Variants in TPPP observed in about 807,000 individuals in gnomAD.
TPPP encodes tubulin polymerization-promoting protein.
TPPP carries 6 observed loss-of-function variants against 15.5 expected under a neutral mutation model. That is an observed-to-expected ratio of 0.39 (90% CI 0.21 to 0.77). TPPP has a LOEUF of 0.77. Among genes scored for constraint, TPPP ranks in the 30% least tolerant of loss-of-function variants. The probability of loss-of-function intolerance (pLI) is 0.42; values close to 1 mark genes in which losing one functional copy is unlikely to be tolerated. For synonymous variants in TPPP, 146 were observed against 133.9 expected (o/e 1.09, Z -0.63); for missense variants, 269 against 307.2 (o/e 0.88, Z 0.93).
rs1437462426 is a variant in TPPP at position 675,598 on chromosome 5, G to T, written c.311+2152C>A. On this transcript the variant is annotated intron_variant, in intron 2 of 3. Transcript: ENST00000360578. ...GCGGTGTGGCCAGGGGTGCAGCATG[G>T]GGGGTACAGTGTGGCCGGGAGTGCA... Among the ~76,000 whole-genome samples, 6 of 151,336 alleles carry T rather than the reference G, an allele frequency of 4.0e-5. No individual in the cohort carries two copies. In the South Asian group the frequency reaches 1.0e-3, roughly 26 times the overall value.
intron 2 of TPPP, among the ~76,000 whole-genome samples, chr5:673,481 T>G (rs144631577): frequency 0.016 from 2,437 of 151,944 alleles, 77 homozygotes; most frequent in African/African-American, 0.057. Flanking sequence ...GAGGTCAGAA[T>G]CCCTTGGCCT....
chr5:675,867 C>T (rs141429386), intron 2 of TPPP: 2 of 152,304 alleles, frequency 1.3e-5, no homozygotes, highest in Admixed American at 1.3e-4. Flanking sequence ...CAGCCACAGC[C>T]TCCTCTCACA....
At chr5:666,189 G>C (rs1580072943) in intron 2 of TPPP, 66 bp from the exon 3 acceptor site, 1 of 1,567,582 alleles carries the variant, frequency 6.4e-7, no homozygotes, top group East Asian at 2.3e-5. Flanking sequence ...CCCACGCGTG[G>C]GTCTGAGCAG....
intron 2 of TPPP, among the ~76,000 whole-genome samples, chr5:674,298 C>T (rs970113076): frequency 4.6e-5 from 7 of 152,194 alleles, no homozygotes; most frequent in East Asian, 1.9e-4. Flanking sequence ...CCCAGGAGCA[C>T]GGGGCTGGGT....
intron 3 of TPPP, 116 bp downstream of exon 3, chr5:665,854 C>A (rs1580071898): frequency 1.9e-6 from 1 of 525,364 alleles, no homozygotes. Context: ...GGACCCCCCC[C>A]AGGTCACGCC....
intron 2 of TPPP, among the ~76,000 whole-genome samples, chr5:675,549 C>T (rs1157911328): frequency 1.8e-4 from 7 of 39,050 alleles, no homozygotes; most frequent in Admixed American, 1.0e-3. Flanking sequence ...GCCGTGTGGC[C>T]GGGGGTGCAG....
intron 2 of TPPP, among the ~76,000 whole-genome samples, chr5:670,866 C>T (rs1452880033): frequency 6.6e-6 from 1 of 152,200 alleles, no homozygotes; most frequent in Non-Finnish European, 1.5e-5. Context: ...AGCAGCTGAG[C>T]ACCTGGGGGC....
At chr5:681,360 C>T (rs184091244) in intron 1 of TPPP, among the ~76,000 whole-genome samples, 375 of 152,294 alleles carry the variant, frequency 2.5e-3, no homozygotes, top group Non-Finnish European at 3.4e-3. Flanking sequence ...ACCATCTCCA[C>T]GCGTGTGCCC....
rs1230307056 is a variant in TPPP, at chr5:668,252, TGCGGACAAGCACACGGAGAGGG to T, written c.312-2151_312-2130del. On this transcript the variant is annotated intron_variant, in intron 2 of 3. Coordinates refer to ENST00000360578, the MANE Select transcript of TPPP (RefSeq NM_007030.3). ...GGCCGTGTGGGCGCCGTCAGGGAAG[TGCGGACAAGCACACGGAGAGGG>T]GTCCGCGTGGGCGCCGTCAGGGAAG... is the stretch of plus-strand genomic sequence containing the variant. Among the ~76,000 whole-genome samples, 62 of 64,410 alleles carry T rather than the reference TGCGGACAAGCACACGGAGAGGG, an allele frequency of 9.6e-4. 7 individuals carry two copies. The highest frequency in any genetic ancestry group is 1.1e-3 in the Non-Finnish European group (42 of 36,730). The allele number at this position is 64,410 out of a possible 152,430, so 42.3% of individuals were successfully genotyped here. A position where few individuals can be genotyped will look rare whatever the true frequency, so the allele number is the denominator to read the frequency against.
rs1047712274 is a variant in TPPP at position 693,349 on chromosome 5, C to G, written c.-76G>C. ...GCGCGCGACCCGGTGCTCAGCGGAG[C>G]TCTCCAGCCGCCGCCCCGCGCCCGC... On this transcript the variant is annotated 5_prime_UTR_variant, in exon 1 of 4. Coordinates refer to ENST00000360578, the MANE Select transcript of TPPP (RefSeq NM_007030.3). The G allele has an allele frequency of 2.0e-5, 3 of 149,686 alleles. No homozygotes were observed. The highest frequency in any genetic ancestry group is 1.8e-4 in the South Asian group (1 of 5,624). The allele number at this position is 149,686 out of a possible 1,614,324, so 9.3% of individuals were successfully genotyped here. A position where few individuals can be genotyped will look rare whatever the true frequency, so the allele number is the denominator to read the frequency against.
At chr5:674,357 C>T (rs1390857304) in intron 2 of TPPP, among the ~76,000 whole-genome samples, 2 of 152,186 alleles carry the variant, frequency 1.3e-5, no homozygotes, top group Admixed American at 1.3e-4. Flanking sequence ...CTGGGGGGCA[C>T]AGGGGCCCTG....
chr5:660,227 AT>A lies in TPPP; in HGVS notation c.*4874del, dbSNP rs1253524002. 5.3e-5 allele frequency: 8 copies of A among 151,100 alleles called. No homozygotes were observed. Among genetic ancestry groups the A allele is most frequent in the East Asian group, 1.9e-4 (1 of 5,176 alleles). 9.4% of individuals were successfully genotyped at this position (151,100 alleles called of 1,614,324 possible). A position where few individuals can be genotyped will look rare whatever the true frequency, so the allele number is the denominator to read the frequency against. ...CACATATATATATATATATATATAT[AT>A]AAATTTGTTTCCCTTTCTTGAAAAA... is the stretch of plus-strand genomic sequence containing the variant. On this transcript the variant is annotated 3_prime_UTR_variant, in exon 4 of 4. Transcript: ENST00000360578.
chr5:678,780 C>T (rs548166575), intron 1 of TPPP, among the ~76,000 whole-genome samples: 25 of 152,296 alleles, frequency 1.6e-4, no homozygotes, highest in Non-Finnish European at 2.4e-4. Flanking sequence ...CTGGACTTTG[C>T]AAGGCGCCCG....
intron 3 of TPPP, 32 bp downstream of exon 3, chr5:665,938 C>CCCCCCCCCCCCCCACA: frequency 2.2e-6 from 3 of 1,366,608 alleles, no homozygotes; most frequent in Non-Finnish European, 2.9e-6. Flanking sequence ...CCACCCCCTC[C>CCCCCCCCCCCCCCACA]AGGCCCCGCC....
intron 3 of TPPP, 172 bp downstream of exon 3, chr5:665,795 ACCT>A (rs1739876506): frequency 3.0e-6 from 2 of 677,324 alleles, no homozygotes; most frequent in Non-Finnish European, 2.3e-6. Flanking sequence ...TTCTGACCAC[ACCT>A]CCTCAGACCC....
intron 2 of TPPP, among the ~76,000 whole-genome samples, chr5:672,178 TG>T (rs1367187221): frequency 2.6e-5 from 4 of 152,146 alleles, no homozygotes; most frequent in Admixed American, 2.6e-4. Context: ...CCTCCACACT[TG>T]GGGTGACCAC....
intron 1 of TPPP, among the ~76,000 whole-genome samples, chr5:688,609 G>A (rs1740824945): frequency 1.3e-5 from 2 of 151,562 alleles, no homozygotes; most frequent in Non-Finnish European, 3.0e-5. Context: ...TGTGCCAGGT[G>A]CCAGGTGGGG....
intron 1 of TPPP, chr5:692,532 C>A (rs1024297705): frequency 1.0e-6 from 1 of 974,646 alleles, no homozygotes; most frequent in African/African-American, 1.8e-5. Flanking sequence ...AGCAGCCCCG[C>A]CACTGCCCGG....
intron 3 of TPPP, 61 bp from the exon 4 acceptor site, chr5:665,357 G>A: frequency 6.6e-7 from 1 of 1,511,138 alleles, no homozygotes; most frequent in Non-Finnish European, 9.0e-7. Flanking sequence ...GCCAGCAAGT[G>A]AAATGGCTGT....
Sources: gnomAD v4.1 joint callset for allele counts (sites outside exome capture counted in the v4.1 genomes callset) on GRCh38, gnomAD v4.1.1 for gene constraint, MANE v1.5 for transcripts, NCBI Gene and HGNC (gene_info 2026-07-23, HGNC 2026-07-21) for gene names.